The following UNC13A variants were observed in gnomAD, a reference collection of about 807,000 sequenced individuals.
The protein encoded by UNC13A is unc-13 homolog A.
Under a neutral mutation model 219.7 loss-of-function variants are expected in UNC13A, and 61 were observed. That is an observed-to-expected ratio of 0.28 (90% CI 0.23 to 0.34). The LOEUF is 0.34. UNC13A is among the 10% of genes least tolerant of loss of function. The probability of loss-of-function intolerance (pLI) is 1.00; values close to 1 mark genes in which losing one functional copy is unlikely to be tolerated. For missense variants in UNC13A, 1,476 were observed against 2,270.3 expected (o/e 0.65, Z 7.11); for synonymous variants, 920 against 884.6 (o/e 1.04, Z -0.71).
At chr19:17,686,237 C>G (rs568297276) in intron 1 of UNC13A, among the ~76,000 whole-genome samples, 2 of 150,404 alleles carry the variant, frequency 1.3e-5, no homozygotes, top group African/African-American at 2.5e-5. Flanking sequence ...TGCTGCCCCC[C>G]CTTAATGCCA....
chr19:17,675,370 G>A (rs373250835), intron 2 of UNC13A, among the ~76,000 whole-genome samples: 5 of 151,678 alleles, frequency 3.3e-5, no homozygotes, highest in South Asian at 4.2e-4. Context: ...GGTAGCTCAC[G>A]CCTGCAATCC....
Position 17,646,041 on chromosome 19 carries a change from G to C in UNC13A, c.2115C>G (p.Val705=), listed in dbSNP as rs372628249. Residue 705 remains valine, a synonymous_variant, in exon 18 of 44, where the codon GTC becomes GTG. Transcript: ENST00000519716. ...TTTTTGTCCGTTTCTTGGTCTTCCCGACCTGGACGGTGACATAGGGGTCAC... is the reference window on the plus strand; with the variant it reads ...TTTTTGTCCGTTTCTTGGTCTTCCCCACCTGGACGGTGACATAGGGGTCAC... ...GSSDPYVTVQ[V]GKTKKRTKTI... The C allele has an allele frequency of 6.2e-7, 1 of 1,613,796 alleles. No homozygotes were observed. Among genetic ancestry groups the C allele is most frequent in the Non-Finnish European group, 8.5e-7 (1 of 1,179,828 alleles).
At chr19:17,640,941 C>T (rs759730675) in intron 21 of UNC13A, among the ~76,000 whole-genome samples, 110 of 149,904 alleles carry the variant, frequency 7.3e-4, no homozygotes, top group South Asian at 1.3e-3. Context: ...TTTAGTGGCG[C>T]AATCTCGGCT....
rs746315513 is a variant in UNC13A, at chr19:17,627,642, A to T, written c.3832-45T>A. The stretch of plus-strand genomic sequence containing the variant: ...ACCAGGCCAGGTTCAGTAAGTATCC[A>T]CATGTACTGGGCATTTTCTCATCTG... On this transcript the variant is annotated intron_variant, in intron 32 of 43. Coordinates refer to ENST00000519716, the MANE Select transcript of UNC13A (RefSeq NM_001080421.3). This position sits in a 1 kb window ranked among gnomAD's most constrained non-coding sequence, Gnocchi z 4.7. 9.4e-6 allele frequency: 14 copies of T among 1,487,646 alleles called. No homozygotes were observed. The South Asian group carries it at 1.4e-4, about 15-fold the overall frequency. 92.2% of individuals were successfully genotyped at this position (1,487,646 alleles called of 1,614,324 possible). A position where few individuals can be genotyped will look rare whatever the true frequency, so the allele number is the denominator to read the frequency against.
intron 3 of UNC13A, 67 bp from the exon 4 acceptor site, chr19:17,672,562 T>G (rs932847744): frequency 1.6e-6 from 2 of 1,283,678 alleles, no homozygotes; most frequent in Non-Finnish European, 2.2e-6. Context: ...GGGAGTTTAG[T>G]TGATTCGCCT....
chr19:17,606,405 C>T (rs2076530575), intron 43 of UNC13A, 51 bp from the exon 44 acceptor site: 5 of 1,523,990 alleles, frequency 3.3e-6, no homozygotes, highest in Non-Finnish European at 3.5e-6. Context: ...CTGTGATGCC[C>T]CGCCCACGGC....
In UNC13A at chr19:17,624,133, TTG is replaced by T. The variant is rs1263357356; in HGVS notation, c.4198-588_4198-587del. 5.1e-4 allele frequency among the ~76,000 whole-genome samples: 77 copies of T among 150,784 alleles called. 4 individuals are homozygous for T. Among genetic ancestry groups the T allele is most frequent in the African/African-American group, 1.6e-3 (65 of 41,000 alleles). On this transcript the variant is annotated intron_variant, in intron 35 of 43. Transcript: ENST00000519716. ...TGTCTATGCCTTCTCTTTTTTTTTT[TTG>T]TTTTTTTGAGAAAGGGTCTCGTTCT...
chr19:17,618,292 CA>C, intron 40 of UNC13A, 128 bp downstream of exon 40: 1 of 1,024,460 alleles, frequency 9.8e-7, no homozygotes, highest in Non-Finnish European at 1.4e-6. Context: ...CTGGCACAGA[CA>C]GGGGAACGAG....
At position 17,603,192 on chromosome 19, in the gene UNC13A, T is replaced by C. The variant is rs1241208455; in HGVS notation, c.*2862A>G. 1 of 151,958 alleles carries C rather than the reference T, an allele frequency of 6.6e-6. No homozygotes were observed. The highest frequency in any genetic ancestry group is 1.5e-5 in the Non-Finnish European group (1 of 67,992). The allele number at this position is 151,958 out of a possible 1,614,324, so 9.4% of individuals were successfully genotyped here. A position where few individuals can be genotyped will look rare whatever the true frequency, so the allele number is the denominator to read the frequency against. ...CCTGAAGAAGCTTGTTTCCTTCACA[T>C]GCCTGGGCCATTGCTGGGGAACCCT... On this transcript the variant is annotated 3_prime_UTR_variant, in exon 44 of 44. Coordinates refer to ENST00000519716, the MANE Select transcript of UNC13A (RefSeq NM_001080421.3).
At chr19:17,617,922 C>A in intron 40 of UNC13A, 73 bp from the exon 41 acceptor site, 1 of 1,562,928 alleles carries the variant, frequency 6.4e-7, no homozygotes, top group Non-Finnish European at 8.7e-7. Context: ...GGTAGCCCTG[C>A]TGTCCCCACT....
At position 17,669,537 on chromosome 19, in the gene UNC13A, G is replaced by T; in HGVS notation, c.394+16C>A. 6.2e-7 allele frequency: 1 copy of T among 1,611,500 alleles called. No homozygotes were observed. Among genetic ancestry groups the T allele is most frequent in the South Asian group, 1.1e-5 (1 of 90,874 alleles). ...GGGGCTGGGGCTGGGTGAAGGTCCC[G>T]GGCCCCTGTACTCACCTAAGGGTAG... On this transcript the variant is annotated intron_variant, in intron 5 of 43. Coordinates refer to ENST00000519716, the MANE Select transcript of UNC13A (RefSeq NM_001080421.3).
intron 17 of UNC13A, 149 bp from the exon 18 acceptor site, chr19:17,646,260 G>GTT: frequency 1.1e-6 from 1 of 910,554 alleles, no homozygotes; most frequent in South Asian, 1.8e-5. Context: ...TGCCAGAGAG[G>GTT]TTTTTTGTGT....
chr19:17,646,257 G>A (rs985591382), intron 17 of UNC13A, 146 bp from the exon 18 acceptor site: 2 of 998,424 alleles, frequency 2.0e-6, no homozygotes, highest in South Asian at 3.3e-5. Flanking sequence ...GCTTGCCAGA[G>A]AGGTTTTTTG....
At chr19:17,654,676 C>T (rs1488981360) in intron 11 of UNC13A, among the ~76,000 whole-genome samples, 1 of 152,178 alleles carries the variant, frequency 6.6e-6, no homozygotes, top group Non-Finnish European at 1.5e-5. Flanking sequence ...TTCCTACTCC[C>T]CTACTGAGCC....
chr19:17,630,603 A>G, intron 29 of UNC13A, 51 bp downstream of exon 29: 2 of 1,596,146 alleles, frequency 1.3e-6, no homozygotes, highest in Non-Finnish European at 1.7e-6. Flanking sequence ...TTCCACCTAA[A>G]TTGACCCCAG....
In UNC13A at chr19:17,656,272, C is replaced by T; in HGVS notation, c.894G>A (p.Arg298=). ...QGSDMEDERD[R]DSYHSCHSSV... Reference sequence around the variant, plus strand: ...AGCTGTGGCAGGAGTGGTAGGAGTCCCGGTCCCGCTCATCCTCCATGTCGG... The same window carrying T: ...AGCTGTGGCAGGAGTGGTAGGAGTCTCGGTCCCGCTCATCCTCCATGTCGG... Residue 298 remains arginine (R), a synonymous_variant, in exon 10 of 44, where the codon CGG becomes CGA. Transcript: ENST00000519716. The T allele has an allele frequency of 1.3e-6, 2 of 1,551,892 alleles. No homozygotes were observed. Among genetic ancestry groups the T allele is most frequent in the Non-Finnish European group, 1.7e-6 (2 of 1,147,186 alleles).
At chr19:17,635,907 T>C in intron 26 of UNC13A, 117 bp downstream of exon 26, 7 of 1,311,764 alleles carry the variant, frequency 5.3e-6, no homozygotes, top group Non-Finnish European at 7.2e-6. Flanking sequence ...GACCCACAAT[T>C]ACCCCCAGGT....
rs774018995 is a variant in UNC13A at position 17,639,490 on chromosome 19, C to T, written c.2892G>A (p.Gln964=). ...NFPASSPERL[Q]DLKSTVDLLT... ...GAAGGTCCACAGTGGATTTGAGGTCCTGGAGTCTCTCCGGGCTGCTGGCTG... is the reference window on the plus strand; with the variant it reads ...GAAGGTCCACAGTGGATTTGAGGTCTTGGAGTCTCTCCGGGCTGCTGGCTG... The change falls in exon 24 of 44, where the codon CAG becomes CAA. Residue 964 remains glutamine (Q), a synonymous_variant. Transcript: ENST00000519716. The T allele has an allele frequency of 3.7e-6, 6 of 1,613,370 alleles. No homozygotes were observed. In the East Asian group the frequency reaches 1.1e-4, roughly 30 times the overall value.
chr19:17,645,639 C>T (rs374988818), intron 19 of UNC13A, 35 bp downstream of exon 19: 41 of 1,611,672 alleles, frequency 2.5e-5, no homozygotes, highest in Middle Eastern at 1.7e-4. Flanking sequence ...CCCTGGGACC[C>T]GTCCCCACCC....
Sources: gnomAD v4.1 joint callset for allele counts (sites outside exome capture counted in the v4.1 genomes callset) on GRCh38, gnomAD v4.1.1 for gene constraint, Gnocchi (gnomAD v3.1) non-coding constraint, MANE v1.5 for transcripts, NCBI Gene and HGNC (gene_info 2026-07-23, HGNC 2026-07-21) for gene names.